FILIP1L: variants seen among roughly 807,000 people sequenced by gnomAD.
FILIP1L encodes the protein filamin A interacting protein 1 like.
A neutral mutation model predicts 96.6 loss-of-function variants in FILIP1L; 55 were observed. That is an observed-to-expected ratio of 0.57 (90% CI 0.46 to 0.71). The LOEUF (loss-of-function observed/expected upper bound fraction) is 0.71. FILIP1L is among the 30% of genes least tolerant of loss of function. FILIP1L has a pLI of 0.00. For synonymous variants in FILIP1L, 467 were observed against 473.9 expected (o/e 0.99, Z 0.19); for missense variants, 1,304 against 1,321.2 (o/e 0.99, Z 0.20).
intron 1 of FILIP1L, among the ~76,000 whole-genome samples, chr3:100,093,502 A>C (rs1576049928): frequency 2.0e-5 from 3 of 152,330 alleles, no homozygotes; most frequent in Middle Eastern, 6.8e-3. Flanking sequence ...ACTTTGAGAT[A>C]ATTGTGATTC....
rs182018561 is a variant in FILIP1L at position 100,003,230 on chromosome 3, C to T, written c.-10-72200G>A. ...CATAAGTGGACTTCATACCAATGAC[C>T]ATGTGGAGAAAATAAAAGAATGTTA... On this transcript the variant is annotated intron_variant, in intron 1 of 5. Transcript: ENST00000477258. Among the ~76,000 whole-genome samples, 9 of 152,226 alleles carry T rather than the reference C, an allele frequency of 5.9e-5. No homozygotes were observed. The East Asian group carries it at 1.7e-3, about 29-fold the overall frequency.
intron 1 of FILIP1L, among the ~76,000 whole-genome samples, chr3:100,097,371 A>G (rs1354297429): frequency 6.6e-6 from 1 of 152,214 alleles, no homozygotes; most frequent in Non-Finnish European, 1.5e-5. Flanking sequence ...GAGGATCTGC[A>G]TGGATTATAT....
intron 1 of FILIP1L, among the ~76,000 whole-genome samples, chr3:99,987,642 T>A (rs970498455): frequency 2.0e-5 from 3 of 152,150 alleles, no homozygotes; most frequent in East Asian, 3.8e-4. Context: ...AAGCCACATG[T>A]CTGACAAGAC....
rs1178534411 is a variant in FILIP1L at position 99,850,841 on chromosome 3, C to G, written c.835G>C (p.Ala279Pro). Reference protein sequence around the residue: ...ETHTKLALAEARVQEEEQKAT... With the variant: ...ETHTKLALAEPRVQEEEQKAT... ...TTCTGCTCTTCCTCCTGAACTCTGG[C>G]TTCAGCAAGGGCTAGTTTGGTATGT... Residue 279 changes from alanine (A) to proline (P), a missense_variant, in exon 5 of 6, where the codon GCC becomes CCC. By Grantham distance (27) the Ala-to-Pro change is conservative (BLOSUM62 -1). Transcript: ENST00000477258. 1 of 1,614,064 alleles carries G rather than the reference C, an allele frequency of 6.2e-7. No homozygotes were observed. Among genetic ancestry groups the G allele is most frequent in the Non-Finnish European group, 8.5e-7 (1 of 1,180,034 alleles).
intron 1 of FILIP1L, among the ~76,000 whole-genome samples, chr3:100,068,350 C>CTGTGTGTGTG (rs62958661): frequency 3.1e-4 from 46 of 149,516 alleles, no homozygotes; most frequent in African/African-American, 1.1e-3. Context: ...GAAAGAGCCT[C>CTGTGTGTGTG]TGTGTGTGTG....
chr3:99,966,410 G>A (rs187575731), intron 1 of FILIP1L, among the ~76,000 whole-genome samples: 62 of 151,028 alleles, frequency 4.1e-4, no homozygotes, highest in East Asian at 3.9e-4. Context: ...TTTTTTTTTC[G>A]GCTATATATA....
At chr3:100,072,987 G>GT (rs565113768) in intron 1 of FILIP1L, among the ~76,000 whole-genome samples, 15 of 151,502 alleles carry the variant, frequency 9.9e-5, no homozygotes, top group African/African-American at 1.7e-4. Context: ...ACTTTTTAAA[G>GT]TTTTTTTTTA....
Position 99,848,971 on chromosome 3 carries a change from A to T in FILIP1L, c.2705T>A (p.Leu902His). The change falls in exon 5 of 6, where the codon CTT becomes CAT. Residue 902 changes from leucine (L) to histidine (H), a missense_variant. Transcript: ENST00000477258. ...ATGGTCTGGAGTAACCTTTATATGA[A>T]GTGGCTGCCCAGGTGTGTGGCTTAG... is the stretch of plus-strand genomic sequence containing the variant. The part of the protein sequence containing the change: ...LVLSHTPGQP[L>H]HIKVTPDHVQ... 1 of 1,614,020 alleles carries T rather than the reference A, an allele frequency of 6.2e-7. No homozygotes were observed.
Position 99,931,022 on chromosome 3 carries a change from C to A in FILIP1L, c.-2G>T. On this transcript the variant is annotated 5_prime_UTR_variant, in exon 2 of 6. Coordinates refer to ENST00000477258, the MANE Select transcript of FILIP1L (RefSeq NM_001387850.1). The stretch of plus-strand genomic sequence containing the variant: ...GGTATCACTGCCTCTGGAACGCATT[C>A]TTTAAAGCCTGGAAGGAGGGAAGAA... The A allele has an allele frequency of 6.2e-7, 1 of 1,612,272 alleles. No individual in the cohort carries two copies. Among genetic ancestry groups the A allele is most frequent in the South Asian group, 1.1e-5 (1 of 90,858 alleles).
At chr3:99,938,120 G>C (rs1707747599) in intron 1 of FILIP1L, among the ~76,000 whole-genome samples, 2 of 152,110 alleles carry the variant, frequency 1.3e-5, no homozygotes. Flanking sequence ...GGGTGGGGAA[G>C]AAATGTTAGA....
rs73858965 is a variant in FILIP1L, at chr3:99,924,173, A to T, written c.605+57T>A. The T allele has an allele frequency of 2.9e-3, 4,128 of 1,405,394 alleles. 110 individuals are homozygous for T. In the African/African-American group the frequency reaches 0.053, roughly 18 times the overall value. The allele number at this position is 1,405,394 out of a possible 1,614,324, so 87.1% of individuals were successfully genotyped here. ...TATCTTTGTATCCCTGAGACCTGGT[A>T]CAGTGGCCAGCTCATAGATTGCAGA... On this transcript the variant is annotated intron_variant, in intron 4 of 5. Transcript: ENST00000477258.
chr3:100,078,016 CATT>C, intron 1 of FILIP1L, among the ~76,000 whole-genome samples: 1 of 151,596 alleles, frequency 6.6e-6, no homozygotes, highest in East Asian at 1.9e-4. Flanking sequence ...CCAGCTAAAA[CATT>C]ATTAATTGTA....
intron 1 of FILIP1L, among the ~76,000 whole-genome samples, chr3:99,938,880 A>G (rs1208397061): frequency 1.3e-5 from 2 of 152,220 alleles, no homozygotes; most frequent in Non-Finnish European, 2.9e-5. Context: ...ACATTTGAAG[A>G]CACTAAACTC....
chr3:99,957,162 G>A (rs1708343767), intron 1 of FILIP1L, among the ~76,000 whole-genome samples: 2 of 152,194 alleles, frequency 1.3e-5, no homozygotes, highest in Non-Finnish European at 2.9e-5. Context: ...ACTGTATGAA[G>A]TAGAGGAGTG....
At chr3:100,101,768 C>T (rs746658698) in intron 1 of FILIP1L, among the ~76,000 whole-genome samples, 2 of 152,012 alleles carry the variant, frequency 1.3e-5, no homozygotes, top group Non-Finnish European at 2.9e-5. Context: ...TATCCCTCCC[C>T]GCTCCCCTCA....
rs1013335981 is a variant in FILIP1L, at chr3:99,830,439, A to G, written c.3548T>C (p.Phe1183Ser). The G allele has an allele frequency of 2.2e-6, 1 of 451,806 alleles. No individual in the cohort carries two copies. Among genetic ancestry groups the G allele is most frequent in the Non-Finnish European group, 4.5e-6 (1 of 223,492 alleles). The allele number at this position is 451,806 out of a possible 1,614,324, so 28.0% of individuals were successfully genotyped here. A position where few individuals can be genotyped will look rare whatever the true frequency, so the allele number is the denominator to read the frequency against. The change falls in exon 6 of 6, where the codon TTC becomes TCC. Residue 1183 changes from phenylalanine to serine, a missense_variant. Transcript: ENST00000477258. ...TTACCTTCTCCCTCCCACGTGGAGG[A>G]AGGTGTTGGAGGTGACAGTTCTCAC... ...HIVRTVTSNTFLHVGGRR is the reference protein window; with the variant it reads ...HIVRTVTSNTSLHVGGRR
intron 1 of FILIP1L, among the ~76,000 whole-genome samples, chr3:99,967,421 A>G (rs1708686674): frequency 6.6e-6 from 1 of 152,204 alleles, no homozygotes; most frequent in African/African-American, 2.4e-5. Flanking sequence ...TTGGAAATGA[A>G]CTTAGGCCAT....
At chr3:99,938,050 A>AGTGTGTGTGTGTGTGTGTGTGTGT (rs71625545) in intron 1 of FILIP1L, among the ~76,000 whole-genome samples, 7 of 149,002 alleles carry the variant, frequency 4.7e-5, no homozygotes, top group African/African-American at 1.7e-4. Flanking sequence ...AGGCTCAGGA[A>AGTGTGTGTGTGTGTGTGTGTGTGT]GTGTGTGTGT....
At position 99,850,888 on chromosome 3, in the gene FILIP1L, A is replaced by C. The variant is rs747057887; in HGVS notation, c.788T>G (p.Leu263Arg). ...ATGTGTTTCCTTTGCATTTGTGGTC[A>C]GCTCTTGGATTTTCTGTCTTTGAAG... ...LTLQRQKIQE[L>R]TTNAKETHTK... is the part of the protein sequence containing the mutation. Residue 263 changes from leucine to arginine, a missense_variant, in exon 5 of 6, where the codon CTG (leucine) becomes CGG (arginine). Leu to Arg is a moderately radical substitution (Grantham distance 102). Transcript: ENST00000477258. 1.9e-6 allele frequency: 3 copies of C among 1,614,016 alleles called. No individual in the cohort carries two copies. In the African/African-American group the frequency reaches 4.0e-5, roughly 22 times the overall value.
Sources: allele counts gnomAD v4.1 joint callset (sites outside exome capture counted in the v4.1 genomes callset), GRCh38; gene constraint gnomAD v4.1.1; transcripts MANE v1.5; gene names NCBI Gene and HGNC (gene_info 2026-07-23, HGNC 2026-07-21).